IST1: variants seen among roughly 807,000 people sequenced by gnomAD.
IST1 encodes the protein IST1 homolog.
A neutral mutation model predicts 37.0 loss-of-function variants in IST1; 23 were observed. The observed-to-expected ratio is 0.62, with a 90% CI of 0.45 to 0.88. The LOEUF (loss-of-function observed/expected upper bound fraction) is 0.88, where lower values mean the gene tolerates loss of function less well. Among genes scored for constraint, IST1 ranks in the 40% least tolerant of loss-of-function variants. The pLI is 0.00. For missense variants in IST1, 488 were observed against 445.4 expected, an observed-to-expected ratio of 1.10 and a Z score of -0.86; for synonymous variants, 180 against 161.7, an observed-to-expected ratio of 1.11 and a Z score of -0.86.
rs200745467 is a variant in IST1, at chr16:71,927,742, A to T, written c.1030A>T (p.Thr344Ser). ...TLPTASAGAS[T>S]SASEDIDFDD... is the part of the protein sequence containing the mutation. ...ACCAACTGCATCTGCTGGTGCCAGC[A>T]CCTCAGCATCTGAAGACATTGACTT... is the stretch of plus-strand genomic sequence containing the variant. The change falls in exon 10 of 10, where the codon ACC becomes TCC. Residue 344 changes from threonine (T) to serine (S), a missense_variant. By Grantham distance (58) the Thr-to-Ser change is moderately conservative. Coordinates refer to ENST00000378799, the MANE Select transcript of IST1 (RefSeq NM_001270975.2). The T allele has an allele frequency of 1.2e-5, 19 of 1,613,896 alleles. 1 individual carries two copies. The highest frequency in any genetic ancestry group is 1.5e-5 in the Non-Finnish European group (18 of 1,179,906).
chr16:71,898,387 AAG>A (rs2037025455), intron 1 of IST1, among the ~76,000 whole-genome samples: 2 of 145,948 alleles, frequency 1.4e-5, no homozygotes, highest in South Asian at 4.4e-4. Flanking sequence ...AAAAAAAAAA[AAG>A]AAACTCTCTT....
chr16:71,895,075 C>A, upstream of IST1: 1 of 428,016 alleles, frequency 2.3e-6, no homozygotes. Context: ...ACGCAGGCTT[C>A]GAAACCCCCT....
chr16:71,900,664 G>A (rs942598042), intron 1 of IST1, among the ~76,000 whole-genome samples: 8 of 53,792 alleles, frequency 1.5e-4, no homozygotes, highest in African/African-American at 5.5e-4. Flanking sequence ...CACTAATAAA[G>A]ATAAGTATAT....
rs368024080 is a variant in IST1, at chr16:71,907,490, G to C, written c.-15-8136G>C. ...GACGGGGTTTCACTGTGTTGGCCAGGGTGGTTTCGATCTTTTGACCTCGTG... is the reference window on the plus strand; with the variant it reads ...GACGGGGTTTCACTGTGTTGGCCAGCGTGGTTTCGATCTTTTGACCTCGTG... On this transcript the variant is annotated intron_variant, in intron 1 of 9. Coordinates refer to ENST00000378799, the MANE Select transcript of IST1 (RefSeq NM_001270975.2). Among the ~76,000 whole-genome samples the C allele has an allele frequency of 1.4e-4, 22 of 152,032 alleles. 1 individual carries two copies. The highest frequency in any genetic ancestry group is 5.1e-4 in the African/African-American group (21 of 41,492).
intron 3 of IST1, 120 bp downstream of exon 3, chr16:71,916,762 C>T: frequency 1.2e-6 from 1 of 808,152 alleles, no homozygotes; most frequent in Admixed American, 3.0e-5. Context: ...CTAACAGTTG[C>T]TGAAAGGCCT....
At chr16:71,922,384 C>A in intron 6 of IST1, 90 bp from the exon 7 acceptor site, 1 of 1,080,598 alleles carries the variant, frequency 9.3e-7, no homozygotes, top group South Asian at 1.4e-5. Flanking sequence ...AGTAAACTTG[C>A]TTTATGCTAA....
upstream of IST1, chr16:71,895,437 T>C: frequency 1.2e-6 from 1 of 834,964 alleles, no homozygotes; most frequent in Non-Finnish European, 1.4e-6. Flanking sequence ...GCAGCGGCGA[T>C]CGCGCAGCCA....
chr16:71,916,965 G>T lies in IST1; in HGVS notation c.270-82G>T, dbSNP rs186928514. The T allele has an allele frequency of 9.7e-6, 8 of 826,894 alleles. No individual in the cohort carries two copies. The Admixed American group carries it at 1.8e-4, about 19-fold the overall frequency. The allele number at this position is 826,894 out of a possible 1,614,324, so 51.2% of individuals were successfully genotyped here. On this transcript the variant is annotated intron_variant, in intron 3 of 9. Coordinates refer to ENST00000378799, the MANE Select transcript of IST1 (RefSeq NM_001270975.2). ...GTGAGATTCACAGAATGGCTTTGGA[G>T]GCTATAAAGTATATGAAACAAAAGC... is the stretch of plus-strand genomic sequence containing the variant.
At chr16:71,896,012 A>T (rs1327851822) in intron 1 of IST1, among the ~76,000 whole-genome samples, 1 of 152,196 alleles carries the variant, frequency 6.6e-6, no homozygotes, top group African/African-American at 2.4e-5. Context: ...GTGCCGCGAG[A>T]GGCGGATGCC....
chr16:71,907,187 C>CT (rs5817797), intron 1 of IST1, among the ~76,000 whole-genome samples: 48 of 136,120 alleles, frequency 3.5e-4, no homozygotes, highest in Admixed American at 1.1e-3. Context: ...TTTTTTCTTT[C>CT]TTTTTTTTTT....
intron 4 of IST1, among the ~76,000 whole-genome samples, chr16:71,918,417 C>CTTT (rs71695136): frequency 8.7e-6 from 1 of 115,336 alleles, no homozygotes; most frequent in Non-Finnish European, 1.8e-5. Context: ...CTTATGTAGG[C>CTTT]TTTTTTTTTT....
intron 4 of IST1, among the ~76,000 whole-genome samples, chr16:71,918,984 C>T (rs1198048316): frequency 6.6e-6 from 1 of 152,198 alleles, no homozygotes; most frequent in African/African-American, 2.4e-5. Context: ...ATGCTACTGT[C>T]GTTTCCTGTC....
chr16:71,924,362 C>T (rs1168565318), intron 8 of IST1: 1 of 374,084 alleles, frequency 2.7e-6, no homozygotes, highest in Non-Finnish European at 5.2e-6. Context: ...GTAATCCCAG[C>T]ACTTTGGGAG....
chr16:71,916,775 TAAAAAG>T, intron 3 of IST1, 133 bp downstream of exon 3: 3 of 778,244 alleles, frequency 3.9e-6, no homozygotes, highest in Non-Finnish European at 6.0e-6. Flanking sequence ...AAAGGCCTGT[TAAAAAG>T]AAAATACAGA....
chr16:71,910,322 A>G (rs78904330), intron 1 of IST1, among the ~76,000 whole-genome samples: 1,672 of 152,062 alleles, frequency 0.011, 34 homozygotes, highest in African/African-American at 0.039. Flanking sequence ...AAAACATGGT[A>G]CTGGCCAGGT....
At chr16:71,925,505 A>G (rs1167803032) in intron 9 of IST1, among the ~76,000 whole-genome samples, 4 of 148,262 alleles carry the variant, frequency 2.7e-5, no homozygotes, top group African/African-American at 1.0e-4. Flanking sequence ...TAGTAGAGAC[A>G]GGGTTTCACC....
chr16:71,906,148 C>G (rs1168304734), intron 1 of IST1, among the ~76,000 whole-genome samples: 1 of 151,414 alleles, frequency 6.6e-6, no homozygotes, highest in African/African-American at 2.4e-5. Flanking sequence ...AGACTACAGG[C>G]GAGTGCCACT....
In IST1 at chr16:71,929,802, T is replaced by C. The variant is rs2037861359; in HGVS notation, c.*1989T>C. 1 of 1,102,576 alleles carries C rather than the reference T, an allele frequency of 9.1e-7. No individual in the cohort carries two copies. Among genetic ancestry groups the C allele is most frequent in the Non-Finnish European group, 1.3e-6 (1 of 789,426 alleles). 68.3% of individuals were successfully genotyped at this position (1,102,576 alleles called of 1,614,324 possible). A position where few individuals can be genotyped will look rare whatever the true frequency, so the allele number is the denominator to read the frequency against. ...GTAAAGATACTATTTCTTTAATAATTTGCAGTCAGGCATTGGAGTGTTTCC... is the reference window on the plus strand; with the variant it reads ...GTAAAGATACTATTTCTTTAATAATCTGCAGTCAGGCATTGGAGTGTTTCC... On this transcript the variant is annotated 3_prime_UTR_variant, in exon 10 of 10. Transcript: ENST00000378799.
chr16:71,929,301 T>G lies in IST1; in HGVS notation c.*1488T>G. The G allele has an allele frequency of 5.5e-6, 2 of 362,052 alleles. No homozygotes were observed. Among genetic ancestry groups the G allele is most frequent in the Non-Finnish European group, 5.0e-6 (1 of 201,390 alleles). The allele number at this position is 362,052 out of a possible 1,614,324, so 22.4% of individuals were successfully genotyped here. On this transcript the variant is annotated 3_prime_UTR_variant, in exon 10 of 10. Transcript: ENST00000378799. Reference sequence around the variant, plus strand: ...CATTTCCCGCAGCCATCCTGGGCCATGGGTGGTGAGTTCTGTTACTTGCTG... The same window carrying G: ...CATTTCCCGCAGCCATCCTGGGCCAGGGGTGGTGAGTTCTGTTACTTGCTG...
Sources: gnomAD v4.1 joint callset for allele counts (sites outside exome capture counted in the v4.1 genomes callset) on GRCh38, gnomAD v4.1.1 for gene constraint, MANE v1.5 for transcripts, NCBI Gene and HGNC (gene_info 2026-07-23, HGNC 2026-07-21) for gene names.